FBXL17: variants seen among roughly 807,000 people sequenced by gnomAD.
The protein encoded by FBXL17 is F-box/LRR-repeat protein 17.
FBXL17 carries 22 observed loss-of-function variants against 66.2 expected under a neutral mutation model. The ratio of observed to expected loss-of-function variants is 0.33; its 90% CI spans 0.24 to 0.47. The LOEUF (loss-of-function observed/expected upper bound fraction) is 0.47, where lower values mean the gene tolerates loss of function less well. Ranked by LOEUF, FBXL17 falls within the 20% of genes least tolerant of loss-of-function variation. The probability of loss-of-function intolerance (pLI) is 1.00; values close to 1 mark genes in which losing one functional copy is unlikely to be tolerated. For missense variants in FBXL17, 878 were observed against 948.2 expected (o/e 0.93, Z 0.97); for synonymous variants, 474 against 400.5 (o/e 1.18, Z -2.19).
At chr5:108,007,981 T>C (rs888151799) in intron 7 of FBXL17, among the ~76,000 whole-genome samples, 2 of 152,202 alleles carry the variant, frequency 1.3e-5, no homozygotes, top group African/African-American at 4.8e-5. Context: ...GCGCATTCCC[T>C]GAATTTTCTG....
chr5:108,240,870 C>T (rs914130619), intron 4 of FBXL17, among the ~76,000 whole-genome samples: 4 of 150,320 alleles, frequency 2.7e-5, no homozygotes, highest in African/African-American at 9.7e-5. Flanking sequence ...GGGAGAGAGA[C>T]AGAGAGAGAG....
Position 107,938,123 on chromosome 5 carries a change from C to T in FBXL17, c.1823-56944G>A, listed in dbSNP as rs1052357365. 7.2e-5 allele frequency among the ~76,000 whole-genome samples: 11 copies of T among 152,154 alleles called. No homozygotes were observed. The East Asian group carries it at 7.7e-4, about 11-fold the overall frequency. The stretch of plus-strand genomic sequence containing the variant: ...TACCAGCTTGAAGACGTGCACTTGA[C>T]GACAGGCTTCTTGTGGATCATGCAA... On this transcript the variant is annotated intron_variant, in intron 7 of 8. Transcript: ENST00000542267.
intron 7 of FBXL17, among the ~76,000 whole-genome samples, chr5:107,893,506 G>T (rs1749269849): frequency 6.6e-6 from 1 of 152,170 alleles, no homozygotes; most frequent in Non-Finnish European, 1.5e-5. Flanking sequence ...GTAAAAACAA[G>T]ATACTGTTGT....
At chr5:108,139,960 A>T (rs933080711) in intron 6 of FBXL17, among the ~76,000 whole-genome samples, 3 of 152,106 alleles carry the variant, frequency 2.0e-5, no homozygotes, top group African/African-American at 7.2e-5. Context: ...CAGCCCCTAA[A>T]CACGTTTAAG....
chr5:108,263,426 TAA>T (rs1756918063), intron 4 of FBXL17, among the ~76,000 whole-genome samples: 1 of 152,144 alleles, frequency 6.6e-6, no homozygotes, highest in African/African-American at 2.4e-5. Flanking sequence ...AGTTGCCAAA[TAA>T]AAGAGTTCTT....
At chr5:108,171,655 C>T (rs1752609311) in intron 6 of FBXL17, among the ~76,000 whole-genome samples, 1 of 152,202 alleles carries the variant, frequency 6.6e-6, no homozygotes, top group Non-Finnish European at 1.5e-5. Flanking sequence ...CTTACTTGCT[C>T]ACAACTCTGT....
chr5:107,929,222 A>C (rs1240351149), intron 7 of FBXL17, among the ~76,000 whole-genome samples: 1 of 152,050 alleles, frequency 6.6e-6, no homozygotes. Flanking sequence ...TTGTCCTTTT[A>C]TTTCCTTGTG....
chr5:108,337,363 C>G (rs546286762), intron 4 of FBXL17, among the ~76,000 whole-genome samples: 2 of 151,962 alleles, frequency 1.3e-5, no homozygotes, highest in Non-Finnish European at 2.9e-5. Flanking sequence ...AATTCATACA[C>G]TGAAAAAAAT....
intron 6 of FBXL17, among the ~76,000 whole-genome samples, chr5:108,099,808 T>A (rs1273573817): frequency 6.6e-6 from 1 of 152,254 alleles, no homozygotes; most frequent in Non-Finnish European, 1.5e-5. Flanking sequence ...TGTTTGAGGA[T>A]GGCATATTCT....
intron 7 of FBXL17, among the ~76,000 whole-genome samples, chr5:107,936,870 A>T (rs905921882): frequency 3.3e-5 from 5 of 152,150 alleles, no homozygotes; most frequent in African/African-American, 9.7e-5. Flanking sequence ...CAGAAACAAG[A>T]TGAACAGCTT....
chr5:108,021,102 T>C (rs1250928852), intron 6 of FBXL17, 101 bp from the exon 7 acceptor site: 2 of 770,954 alleles, frequency 2.6e-6, no homozygotes, highest in Non-Finnish European at 4.5e-6. Context: ...ATGCCACAGC[T>C]TCTTTAATGG....
intron 8 of FBXL17, among the ~76,000 whole-genome samples, chr5:107,871,103 T>C (rs1748442401): frequency 9.2e-6 from 1 of 109,204 alleles, no homozygotes; most frequent in Non-Finnish European, 1.9e-5. Flanking sequence ...TCTCAAAGTA[T>C]ACAGTAAGAC....
chr5:107,922,028 C>A (rs1021538561), intron 7 of FBXL17, among the ~76,000 whole-genome samples: 1 of 152,086 alleles, frequency 6.6e-6, no homozygotes, highest in Non-Finnish European at 1.5e-5. Context: ...AAGTACTAAG[C>A]GATGTTGGGA....
intron 6 of FBXL17, among the ~76,000 whole-genome samples, chr5:108,037,440 G>A (rs2112796271): frequency 6.6e-6 from 1 of 152,278 alleles, no homozygotes; most frequent in Non-Finnish European, 1.5e-5. Flanking sequence ...AAAGAAGGTA[G>A]ATGAGGTAAA....
intron 6 of FBXL17, among the ~76,000 whole-genome samples, chr5:108,154,616 T>TATACAA (rs1554070064): frequency 3.1e-5 from 3 of 96,298 alleles, no homozygotes; most frequent in Non-Finnish European, 5.7e-5. Flanking sequence ...AATATATATA[T>TATACAA]ACACACACAC....
intron 4 of FBXL17, among the ~76,000 whole-genome samples, chr5:108,304,512 T>TA (rs891334046): frequency 6.6e-6 from 1 of 151,920 alleles, no homozygotes; most frequent in Non-Finnish European, 1.5e-5. Context: ...CTAAGATTAG[T>TA]AAAAAAACAA....
At chr5:108,048,076 C>T (rs1747325989) in intron 6 of FBXL17, among the ~76,000 whole-genome samples, 1 of 152,190 alleles carries the variant, frequency 6.6e-6, no homozygotes, top group Admixed American at 6.5e-5. Flanking sequence ...GGTCAGAGAT[C>T]CCAGAGGAAG....
chr5:108,352,583 T>C (rs1213199831), intron 3 of FBXL17, among the ~76,000 whole-genome samples: 2 of 152,002 alleles, frequency 1.3e-5, no homozygotes, highest in African/African-American at 4.8e-5. Flanking sequence ...TGATCTCGGC[T>C]CACTGCAAAC....
At chr5:107,861,985 C>T (rs568342693) in intron 8 of FBXL17, 125 bp from the exon 9 acceptor site, 89 of 1,046,994 alleles carry the variant, frequency 8.5e-5, no homozygotes, top group African/African-American at 8.4e-4. Flanking sequence ...TTCCTCCTAG[C>T]GATGTGAGGA....
Sources: gnomAD v4.1 joint callset for allele counts (sites outside exome capture counted in the v4.1 genomes callset) on GRCh38, gnomAD v4.1.1 for gene constraint, MANE v1.5 for transcripts, NCBI Gene and HGNC (gene_info 2026-07-23, HGNC 2026-07-21) for gene names.